XKR9: variants seen among roughly 807,000 people sequenced by gnomAD.
XKR9 encodes XK-related protein 9.
Under a neutral mutation model 32.0 loss-of-function variants are expected in XKR9, and 32 were observed. The observed-to-expected ratio is 1.00, with a 90% CI of 0.76 to 1.34. XKR9 has a LOEUF of 1.34. XKR9 is among the 40% of genes most tolerant of loss of function. The pLI is 0.00. For synonymous variants in XKR9, 168 were observed against 143.4 expected, an observed-to-expected ratio of 1.17 and a Z score of -1.22; for missense variants, 546 against 429.7, an observed-to-expected ratio of 1.27 and a Z score of -2.39.
chr8:71,002,204 C>A, the XKR9 span, among the ~76,000 whole-genome samples: 1 of 151,852 alleles, frequency 6.6e-6, no homozygotes, highest in Non-Finnish European at 1.5e-5. Flanking sequence ...GTAGTTAATT[C>A]TATCATGTCC....
At chr8:71,029,124 A>T in the XKR9 span, among the ~76,000 whole-genome samples, 1 of 152,216 alleles carries the variant, frequency 6.6e-6, no homozygotes, top group Non-Finnish European at 1.5e-5. Context: ...TGATGGCTCC[A>T]GGAGCTACCT....
the XKR9 span, among the ~76,000 whole-genome samples, chr8:70,981,166 TG>T: frequency 6.6e-6 from 1 of 152,188 alleles, no homozygotes; most frequent in African/African-American, 2.4e-5. Flanking sequence ...TTGAGCTTCT[TG>T]TATTTGGATG....
intron 2 of XKR9, among the ~76,000 whole-genome samples, chr8:70,754,910 A>C (rs1807196489): frequency 1.3e-5 from 2 of 152,200 alleles, no homozygotes; most frequent in African/African-American, 4.8e-5. Context: ...AAAATTGACA[A>C]TTGGGATCTA....
exon 4 of XKR9, chr8:70,790,136 G>A (rs183911821): frequency 5.3e-5 from 8 of 149,576 alleles, no homozygotes; most frequent in South Asian, 2.1e-4. Context: ...TGATTACTTC[G>A]GCTGTTTCTT....
chr8:70,843,018 A>G, the XKR9 span, among the ~76,000 whole-genome samples: 1 of 152,210 alleles, frequency 6.6e-6, no homozygotes, highest in Non-Finnish European at 1.5e-5. Context: ...ATTTTTAACT[A>G]TAATTAAGTC....
At chr8:70,784,071 T>C (rs1415111214) in intron 2 of XKR9, among the ~76,000 whole-genome samples, 1 of 152,204 alleles carries the variant, frequency 6.6e-6, no homozygotes, top group Non-Finnish European at 1.5e-5. Flanking sequence ...ATGTCTACTT[T>C]AATGCCAGTA....
Position 70,707,040 on chromosome 8 carries a change from G to A in XKR9, c.380G>A (p.Arg127Lys). 1 of 1,613,424 alleles carries A rather than the reference G, an allele frequency of 6.2e-7. No homozygotes were observed. The highest frequency in any genetic ancestry group is 8.5e-7 in the Non-Finnish European group (1 of 1,179,500). The change falls in exon 4 of 5, where the codon AGA becomes AAA. Residue 127 changes from arginine to lysine, a missense_variant. Physicochemically the swap from Arg to Lys is conservative, Grantham distance 26. Coordinates refer to ENST00000408926, the MANE Select transcript of XKR9 (RefSeq NM_001011720.2). ...QIDLHKEVID[R>K]VTDLSMLRLF... ...GATCTACATAAAGAAGTTATAGATA[G>A]AGTGACTGATTTGAGCATGCTCAGA...
the XKR9 span, among the ~76,000 whole-genome samples, chr8:71,002,541 A>T: frequency 2.6e-5 from 4 of 152,186 alleles, no homozygotes; most frequent in African/African-American, 9.6e-5. Context: ...GGCAAAACAC[A>T]TACATTCAAC....
intron 2 of XKR9, among the ~76,000 whole-genome samples, chr8:70,766,644 G>A (rs1165851262): frequency 6.6e-6 from 1 of 152,164 alleles, no homozygotes; most frequent in Non-Finnish European, 1.5e-5. Flanking sequence ...TTTAATTGGA[G>A]TGGTGAGAGA....
the XKR9 span, among the ~76,000 whole-genome samples, chr8:70,878,506 T>C: frequency 2.6e-5 from 4 of 152,118 alleles, no homozygotes; most frequent in Admixed American, 6.6e-5. Flanking sequence ...GTTGCAATCC[T>C]AGTCTCTGAT....
chr8:70,805,195 C>G, the XKR9 span, among the ~76,000 whole-genome samples: 10 of 152,228 alleles, frequency 6.6e-5, no homozygotes, highest in East Asian at 1.5e-3. Flanking sequence ...GGAATCTCCA[C>G]CCCCCAGCCA....
At chr8:70,814,390 T>C in the XKR9 span, among the ~76,000 whole-genome samples, 1 of 151,948 alleles carries the variant, frequency 6.6e-6, no homozygotes, top group Non-Finnish European at 1.5e-5. Flanking sequence ...CATGTATACA[T>C]ATGTAACAAA....
At chr8:70,844,315 T>G in the XKR9 span, among the ~76,000 whole-genome samples, 2 of 152,138 alleles carry the variant, frequency 1.3e-5, no homozygotes, top group Admixed American at 6.5e-5. Context: ...TGAGGACTAG[T>G]TTCCCTTGCT....
chr8:70,973,267 C>T, the XKR9 span, among the ~76,000 whole-genome samples: 1 of 133,848 alleles, frequency 7.5e-6, no homozygotes, highest in South Asian at 2.2e-4. Flanking sequence ...TTCATAGTAG[C>T]CTTGAATAAC....
chr8:70,776,923 T>TTCTCTCTCTCTCTCTCTC (rs369388439), intron 2 of XKR9, among the ~76,000 whole-genome samples: 65 of 59,598 alleles, frequency 1.1e-3, no homozygotes, highest in Middle Eastern at 0.01. Flanking sequence ...TTCTCTTTCT[T>TTCTCTCTCTCTCTCTCTC]TCTCTCTCTC....
the XKR9 span, among the ~76,000 whole-genome samples, chr8:71,027,481 G>T: frequency 7.6e-6 from 1 of 132,340 alleles, no homozygotes; most frequent in African/African-American, 2.7e-5. Context: ...TATTTTAATA[G>T]AAATATATAT....
At chr8:70,698,054 G>A (rs983729169) in intron 3 of XKR9, among the ~76,000 whole-genome samples, 25 of 151,784 alleles carry the variant, frequency 1.6e-4, no homozygotes, top group African/African-American at 2.9e-4. Context: ...TTTTTATTTC[G>A]TCTATTTGAT....
chr8:70,717,785 C>T (rs1284926915), intron 4 of XKR9, among the ~76,000 whole-genome samples: 3 of 152,286 alleles, frequency 2.0e-5, no homozygotes, highest in East Asian at 3.9e-4. Context: ...AATGTCTGCT[C>T]AGAAAATGAA....
chr8:70,730,555 G>T (rs1407620431), intron 4 of XKR9, among the ~76,000 whole-genome samples: 1 of 150,966 alleles, frequency 6.6e-6, no homozygotes, highest in Non-Finnish European at 1.5e-5. Flanking sequence ...GATGCATAAA[G>T]TGTTTTAAAG....
Sources: gnomAD v4.1 joint callset for allele counts (sites outside exome capture counted in the v4.1 genomes callset) on GRCh38, gnomAD v4.1.1 for gene constraint, MANE v1.5 for transcripts, NCBI Gene and HGNC (gene_info 2026-07-23, HGNC 2026-07-21) for gene names.